Variants in KLHL2 observed in about 807,000 individuals in gnomAD.
KLHL2 encodes the protein kelch like family member 2.
In KLHL2, 15 loss-of-function variants were observed where a neutral mutation model predicts 75.8. The ratio of observed to expected loss-of-function variants is 0.20; its 90% CI spans 0.13 to 0.30. KLHL2 has a LOEUF of 0.30. Ranked by LOEUF, KLHL2 falls within the 10% of genes least tolerant of loss-of-function variation. The pLI is 1.00. For missense variants in KLHL2, 381 were observed against 741.0 expected (o/e 0.51, Z 5.64); for synonymous variants, 214 against 251.9 (o/e 0.85, Z 1.42).
At chr4:165,214,683 A>T (rs1489011021) in intron 1 of KLHL2, among the ~76,000 whole-genome samples, 1 of 152,186 alleles carries the variant, frequency 6.6e-6, no homozygotes, top group Non-Finnish European at 1.5e-5. Context: ...GTGCTCTTTA[A>T]TACCTCCCTC....
intron 9 of KLHL2, among the ~76,000 whole-genome samples, chr4:165,309,872 G>A (rs990329641): frequency 1.3e-5 from 2 of 152,148 alleles, no homozygotes; most frequent in Non-Finnish European, 2.9e-5. Context: ...AGCGTATGGA[G>A]TTTCATTCTA....
chr4:165,312,219 G>A (rs150603570), intron 11 of KLHL2, among the ~76,000 whole-genome samples: 375 of 152,198 alleles, frequency 2.5e-3, no homozygotes, highest in Non-Finnish European at 3.6e-3. Flanking sequence ...GACAGGTACC[G>A]GTCCATGGCC....
rs1323093845 is a variant in KLHL2, at chr4:165,322,857, G to A, written c.*797G>A. ...TTTTCTTTAGTTTAATCTTGGTCAT[G>A]TTTTGGTGTGTATTTTTAATTTTTT... On this transcript the variant is annotated 3_prime_UTR_variant, in exon 15 of 15. Transcript: ENST00000226725. 6.6e-6 allele frequency: 1 copy of A among 152,558 alleles called. No homozygotes were observed. Among genetic ancestry groups the A allele is most frequent in the Non-Finnish European group, 1.5e-5 (1 of 67,996 alleles). 9.5% of individuals were successfully genotyped at this position (152,558 alleles called of 1,614,324 possible). A position where few individuals can be genotyped will look rare whatever the true frequency, so the allele number is the denominator to read the frequency against.
chr4:165,253,470 T>A (rs1389777230), intron 4 of KLHL2, among the ~76,000 whole-genome samples: 3 of 152,232 alleles, frequency 2.0e-5, no homozygotes, highest in Non-Finnish European at 4.4e-5. Context: ...TCAGTACAGA[T>A]GCACTATTTT....
chr4:165,313,189 T>G, intron 11 of KLHL2, 49 bp from the exon 12 acceptor site: 2 of 1,577,852 alleles, frequency 1.3e-6, no homozygotes, highest in Non-Finnish European at 1.7e-6. Flanking sequence ...GTGTTTTTTG[T>G]TTGTTTGTTT....
intron 14 of KLHL2, among the ~76,000 whole-genome samples, chr4:165,320,272 CT>C (rs779074919): frequency 8.5e-5 from 13 of 152,186 alleles, no homozygotes; most frequent in Non-Finnish European, 1.9e-4. Flanking sequence ...CTGCTCTTAT[CT>C]AAAAAGTTGC....
chr4:165,256,455 A>G (rs1232080709), intron 4 of KLHL2, among the ~76,000 whole-genome samples: 2 of 152,204 alleles, frequency 1.3e-5, no homozygotes, highest in Non-Finnish European at 2.9e-5. Context: ...TAACGTGTAG[A>G]GCCTGGTTAC....
At chr4:165,297,940 C>T (rs1745041046) in intron 7 of KLHL2, among the ~76,000 whole-genome samples, 1 of 152,194 alleles carries the variant, frequency 6.6e-6, no homozygotes, top group Admixed American at 6.5e-5. Context: ...TCTTGTACCT[C>T]TGCCTACTGA....
chr4:165,321,262 C>T (rs761358513), intron 14 of KLHL2: 59 of 455,888 alleles, frequency 1.3e-4, no homozygotes, highest in Admixed American at 3.3e-4. Flanking sequence ...TCTGCCTCTG[C>T]CACCCCTGAA....
intron 4 of KLHL2, among the ~76,000 whole-genome samples, chr4:165,248,500 C>G (rs1256819474): frequency 6.6e-6 from 1 of 152,128 alleles, no homozygotes; most frequent in Non-Finnish European, 1.5e-5. Context: ...TGAGCAGACA[C>G]GTGCTTCCAA....
intron 11 of KLHL2, among the ~76,000 whole-genome samples, 170 bp downstream of exon 11, chr4:165,311,735 C>G (rs1746200585): frequency 6.6e-6 from 1 of 151,984 alleles, no homozygotes. Flanking sequence ...ATTAGCTTCT[C>G]TATATAAATC....
chr4:165,308,035 A>C (rs1745867440), intron 9 of KLHL2, among the ~76,000 whole-genome samples: 1 of 152,074 alleles, frequency 6.6e-6, no homozygotes, highest in Non-Finnish European at 1.5e-5. Context: ...TCTTCCATTG[A>C]TTTGTCTTGC....
chr4:165,214,347 T>C (rs1737392572), intron 1 of KLHL2, among the ~76,000 whole-genome samples: 1 of 152,178 alleles, frequency 6.6e-6, no homozygotes. Flanking sequence ...CTGACAATGC[T>C]TTGTTAGTTA....
intron 4 of KLHL2, among the ~76,000 whole-genome samples, chr4:165,244,434 G>T (rs895809656): frequency 1.3e-5 from 2 of 152,212 alleles, no homozygotes; most frequent in Non-Finnish European, 2.9e-5. Context: ...GGTTCATCAG[G>T]TGAGTAGGTA....
rs1165455734 is a variant in KLHL2 at position 165,314,072 on chromosome 4, T to C, written c.1515T>C (p.Asp505=). 1 of 1,613,864 alleles carries C rather than the reference T, an allele frequency of 6.2e-7. No homozygotes were observed. Among genetic ancestry groups the C allele is most frequent in the South Asian group, 1.1e-5 (1 of 91,074 alleles). The change falls in exon 13 of 15, where the codon GAT becomes GAC. Residue 505 remains aspartate, a synonymous_variant. Coordinates refer to ENST00000226725, the MANE Select transcript of KLHL2 (RefSeq NM_007246.4). ...TATTGTATGCTGTAGGAGGTCATGA[T>C]GGCCCTTTAGTACGAAAAAGTGTTG... ...NNLLYAVGGH[D]GPLVRKSVEV...
chr4:165,243,381 A>G (rs1160640673), intron 4 of KLHL2, among the ~76,000 whole-genome samples: 3 of 152,212 alleles, frequency 2.0e-5, no homozygotes, highest in Non-Finnish European at 2.9e-5. Flanking sequence ...AATGCTTTCT[A>G]TTCCTAAATT....
chr4:165,209,899 TCC>T, intron 1 of KLHL2: 1 of 771,118 alleles, frequency 1.3e-6, no homozygotes, highest in African/African-American at 1.7e-5. Flanking sequence ...ATAGTTTTTT[TCC>T]TTGCCACCCC....
intron 4 of KLHL2, among the ~76,000 whole-genome samples, chr4:165,242,573 T>C (rs1295056816): frequency 6.6e-6 from 1 of 152,178 alleles, no homozygotes; most frequent in African/African-American, 2.4e-5. Context: ...CTTGGCTCGT[T>C]GCAACCTTCT....
At chr4:165,218,664 T>C (rs962672141) in intron 1 of KLHL2, among the ~76,000 whole-genome samples, 2 of 152,194 alleles carry the variant, frequency 1.3e-5, no homozygotes, top group African/African-American at 4.8e-5. Context: ...ATCTTTGTTT[T>C]ATTCACTGAT....
Sources: gnomAD v4.1 joint callset for allele counts (sites outside exome capture counted in the v4.1 genomes callset) on GRCh38, gnomAD v4.1.1 for gene constraint, MANE v1.5 for transcripts, NCBI Gene and HGNC (gene_info 2026-07-23, HGNC 2026-07-21) for gene names.